TSPEAR: variants seen among roughly 807,000 people sequenced by gnomAD.
The protein encoded by TSPEAR is thrombospondin type laminin G domain and EAR repeats.
Under a neutral mutation model 71.6 loss-of-function variants are expected in TSPEAR, and 69 were observed. That is an observed-to-expected ratio of 0.96 (90% confidence interval 0.79 to 1.18). TSPEAR has a LOEUF of 1.18. Among genes scored for constraint, TSPEAR ranks in the 50% most tolerant of loss-of-function variants. TSPEAR has a pLI of 0.00. For missense variants in TSPEAR, 971 were observed against 894.9 expected, an observed-to-expected ratio of 1.09 and a Z score of -1.09; for synonymous variants, 402 against 387.2, an observed-to-expected ratio of 1.04 and a Z score of -0.45.
rs200179428 is a variant in TSPEAR at position 44,580,001 on chromosome 21, G to C, written c.83-11996C>G. 482 of 1,595,982 alleles carry C rather than the reference G, an allele frequency of 3.0e-4. No individual in the cohort carries two copies. The African/African-American group carries it at 5.7e-3, about 19-fold the overall frequency. On this transcript the variant is annotated intron_variant, in intron 1 of 11. Coordinates refer to ENST00000323084, the MANE Select transcript of TSPEAR (RefSeq NM_144991.3). ...CTGGCAGCATGAAGTGGAAGCCCCA[G>C]AGCAGACGGGCACACAGCAGATGGG...
chr21:44,706,806 C>T (rs1987949377), intron 1 of TSPEAR, among the ~76,000 whole-genome samples: 1 of 152,208 alleles, frequency 6.6e-6, no homozygotes, highest in South Asian at 2.1e-4. Context: ...GCCCCTGAGC[C>T]CCTGACAGTG....
chr21:44,701,972 C>T (rs1770211460), intron 1 of TSPEAR, among the ~76,000 whole-genome samples: 1 of 152,178 alleles, frequency 6.6e-6, no homozygotes, highest in Non-Finnish European at 1.5e-5. Context: ...TGTTTTCCTT[C>T]CGTGAGATCC....
intron 1 of TSPEAR, among the ~76,000 whole-genome samples, chr21:44,639,772 G>A (rs985535901): frequency 2.6e-5 from 4 of 152,038 alleles, no homozygotes; most frequent in Non-Finnish European, 2.9e-5. Context: ...AGGAGGGCCC[G>A]GGGCTGGCTC....
chr21:44,543,143 C>T (rs1003304061), intron 2 of TSPEAR, among the ~76,000 whole-genome samples: 3 of 150,950 alleles, frequency 2.0e-5, no homozygotes, highest in Non-Finnish European at 2.9e-5. Context: ...CTAAAGGGAG[C>T]ATTAGGTAGA....
At chr21:44,538,484 C>T (rs587602846) in intron 2 of TSPEAR, among the ~76,000 whole-genome samples, 2 of 152,080 alleles carry the variant, frequency 1.3e-5, no homozygotes, top group Non-Finnish European at 2.9e-5. Context: ...TCCTGTGCCT[C>T]CATCCGCCCA....
At chr21:44,622,601 A>G (rs1201093057) in intron 1 of TSPEAR, among the ~76,000 whole-genome samples, 2 of 152,180 alleles carry the variant, frequency 1.3e-5, no homozygotes, top group Non-Finnish European at 2.9e-5. Context: ...TAGCTGCCTC[A>G]TGACAATCTT....
At chr21:44,579,707 G>A (rs1387794652) in intron 1 of TSPEAR, 1 of 1,570,464 alleles carries the variant, frequency 6.4e-7, no homozygotes, top group Non-Finnish European at 8.6e-7. Context: ...GTCAGGACCA[G>A]TTGGCCCTGG....
chr21:44,526,265 G>A (rs1453247067), intron 7 of TSPEAR, among the ~76,000 whole-genome samples: 1 of 152,188 alleles, frequency 6.6e-6, no homozygotes, highest in Non-Finnish European at 1.5e-5. Context: ...TGAACATGGC[G>A]CAATGTGCCC....
chr21:44,539,182 G>A, intron 2 of TSPEAR: 1 of 1,471,596 alleles, frequency 6.8e-7, no homozygotes, highest in South Asian at 1.3e-5. Flanking sequence ...CCTCAGCACA[G>A]GGGAGACACG....
At chr21:44,508,701 C>T (rs2052267042) in intron 10 of TSPEAR, 1 of 1,223,888 alleles carries the variant, frequency 8.2e-7, no homozygotes, top group African/African-American at 1.5e-5. Context: ...CTCCATGTTC[C>T]CTGGATCTCA....
intron 2 of TSPEAR, among the ~76,000 whole-genome samples, chr21:44,567,284 A>G (rs781890764): frequency 6.6e-6 from 1 of 152,222 alleles, no homozygotes; most frequent in Non-Finnish European, 1.5e-5. Context: ...ATGCAAATTC[A>G]TTTTTATTTA....
At chr21:44,698,644 GCAGA>G (rs1296825768) in intron 1 of TSPEAR, among the ~76,000 whole-genome samples, 2 of 152,218 alleles carry the variant, frequency 1.3e-5, no homozygotes, top group Non-Finnish European at 2.9e-5. Flanking sequence ...AGTCCTGGCT[GCAGA>G]CAGAGAGGAT....
Position 44,710,346 on chromosome 21 carries a change from A to G in TSPEAR, c.82+1087T>C. On this transcript the variant is annotated intron_variant, in intron 1 of 11. Transcript: ENST00000323084. The surrounding 1 kb of genome is among the most constrained non-coding windows in gnomAD (Gnocchi z 4.6). Reference sequence around the variant, plus strand: ...AGCACGGAAGGTCTACCTACCTCCCACTGCACAGCCCGAGGGCTGTCCTGG... The same window carrying G: ...AGCACGGAAGGTCTACCTACCTCCCGCTGCACAGCCCGAGGGCTGTCCTGG... Among the ~76,000 whole-genome samples the G allele has an allele frequency of 6.6e-6, 1 of 151,972 alleles. No homozygotes were observed.
intron 1 of TSPEAR, chr21:44,579,381 T>G: frequency 3.4e-6 from 1 of 297,936 alleles, no homozygotes. Flanking sequence ...CACTCATTCA[T>G]AGAAACAGTC....
chr21:44,606,872 G>C (rs903187503), intron 1 of TSPEAR, among the ~76,000 whole-genome samples: 1 of 152,180 alleles, frequency 6.6e-6, no homozygotes, highest in Admixed American at 6.5e-5. Flanking sequence ...TGCCAGAGGA[G>C]AGGAATGGGG....
Position 44,506,082 on chromosome 21 carries a change from T to G in TSPEAR, c.1755-1201A>C, listed in dbSNP as rs911116189. 4.6e-5 allele frequency among the ~76,000 whole-genome samples: 7 copies of G among 152,206 alleles called. No homozygotes were observed. The South Asian group carries it at 1.5e-3, about 32-fold the overall frequency. The stretch of plus-strand genomic sequence containing the variant: ...CCGTGAGGTCACTCCAGGAGGTGCC[T>G]ACAGGACCTGCAGGACCTGCTCGTT... On this transcript the variant is annotated intron_variant, in intron 10 of 11. Transcript: ENST00000323084. This position sits in a 1 kb window ranked among gnomAD's most constrained non-coding sequence, Gnocchi z 4.2.
At chr21:44,568,329 G>A (rs587637046) in intron 1 of TSPEAR, among the ~76,000 whole-genome samples, 237 of 152,314 alleles carry the variant, frequency 1.6e-3, no homozygotes, top group Admixed American at 3.3e-3. Flanking sequence ...TGTGCGGGAC[G>A]AAGGAAGGAA....
intron 1 of TSPEAR, among the ~76,000 whole-genome samples, chr21:44,589,847 C>T (rs1167808014): frequency 6.6e-6 from 1 of 152,218 alleles, no homozygotes. Context: ...CTCAGACACG[C>T]ATGTGTGGGG....
At chr21:44,508,765 T>A (rs587674788) in intron 10 of TSPEAR, 1 of 1,284,756 alleles carries the variant, frequency 7.8e-7, no homozygotes, top group South Asian at 1.3e-5. Context: ...TCGGGGAGGA[T>A]GCAACATCGG....
Sources: gnomAD v4.1 joint callset for allele counts (sites outside exome capture counted in the v4.1 genomes callset) on GRCh38, gnomAD v4.1.1 for gene constraint, Gnocchi (gnomAD v3.1) non-coding constraint, MANE v1.5 for transcripts, NCBI Gene and HGNC (gene_info 2026-07-23, HGNC 2026-07-21) for gene names.